The following OR2Z1 variants were observed in gnomAD, a reference collection of about 807,000 sequenced individuals.
The protein encoded by OR2Z1 is olfactory receptor 2Z1.
For missense variants in OR2Z1, 449 were observed against 401.8 expected (o/e 1.12, Z -1.00); for synonymous variants, 188 against 160.6 (o/e 1.17, Z -1.29).
At chr19:8,725,845 A>G (rs1228429278) in intron 2 of OR2Z1, among the ~76,000 whole-genome samples, 1 of 152,236 alleles carries the variant, frequency 6.6e-6, no homozygotes, top group Non-Finnish European at 1.5e-5. Context: ...TAGGCTGTAC[A>G]GGACGTATAA....
At chr19:8,726,044 C>A (rs2145077048) in intron 2 of OR2Z1, among the ~76,000 whole-genome samples, 1 of 152,234 alleles carries the variant, frequency 6.6e-6, no homozygotes, top group Non-Finnish European at 1.5e-5. Flanking sequence ...CGGCTCACTG[C>A]AGCCTCCGCC....
At chr19:8,730,605 A>G (rs2145082024) in intron 2 of OR2Z1, among the ~76,000 whole-genome samples, 1 of 152,162 alleles carries the variant, frequency 6.6e-6, no homozygotes, top group East Asian at 1.9e-4. Context: ...CTTTTAGTAG[A>G]GACGAGGTTT....
chr19:8,731,141 G>C lies in OR2Z1; in HGVS notation c.113G>C (p.Gly38Ala), dbSNP rs1195674227. ...FSLVAVMFVIGLLGNTVLLFL... is the reference protein window; with the variant it reads ...FSLVAVMFVIALLGNTVLLFL... ...CTGGTGGCTGTCATGTTTGTCATAG[G>C]CCTTCTGGGCAACACCGTTCTTCTC... The change falls in exon 3 of 3, where the codon GGC becomes GCC. Residue 38 changes from glycine (G) to alanine (A), a missense_variant. Transcript: ENST00000641125. 1 of 1,613,930 alleles carries C rather than the reference G, an allele frequency of 6.2e-7. No individual in the cohort carries two copies. The highest frequency in any genetic ancestry group is 8.5e-7 in the Non-Finnish European group (1 of 1,180,012).
Position 8,732,149 on chromosome 19 carries a change from C to A in OR2Z1, c.*176C>A. 1.6e-6 allele frequency: 1 copy of A among 607,662 alleles called. No homozygotes were observed. Among genetic ancestry groups the A allele is most frequent in the South Asian group, 2.0e-5 (1 of 50,012 alleles). 37.6% of individuals were successfully genotyped at this position (607,662 alleles called of 1,614,324 possible). ...TTAAATTGAGGTAGAATACACGTAA[C>A]ATAAAATGAGCCACTTTGAAGTGTA... On this transcript the variant is annotated 3_prime_UTR_variant, in exon 3 of 3. Transcript: ENST00000641125.
rs1555756747 is a variant in OR2Z1, at chr19:8,731,421, G to GT, written c.394dup (p.Tyr132LeufsTer49). ...ATGTTGCTGTGTGCCAGCCCCTGCAGTATCCTGTACTTATGAGACGCCAGG... is the reference window on the plus strand; with the variant it reads ...ATGTTGCTGTGTGCCAGCCCCTGCAGTTATCCTGTACTTATGAGACGCCAGG... On this transcript the variant is annotated frameshift_variant, in exon 3 of 3. Coordinates refer to ENST00000641125, the MANE Select transcript of OR2Z1 (RefSeq NM_001004699.3). LOFTEE classifies it low-confidence loss of function (END_TRUNC). 6.8e-6 allele frequency: 11 copies of GT among 1,613,990 alleles called. No individual in the cohort carries two copies. The highest frequency in any genetic ancestry group is 9.3e-6 in the Non-Finnish European group (11 of 1,180,040).
chr19:8,730,938 G>A lies in OR2Z1; in HGVS notation c.-91G>A. On this transcript the variant is annotated 5_prime_UTR_variant, in exon 3 of 3. Coordinates refer to ENST00000641125, the MANE Select transcript of OR2Z1 (RefSeq NM_001004699.3). ...AGCCACTACCAATCAATGATGATTG[G>A]CATGTGAGATGAAAATTATTTGCCA... 2.1e-6 allele frequency: 2 copies of A among 942,252 alleles called. No homozygotes were observed. The highest frequency in any genetic ancestry group is 3.3e-6 in the Non-Finnish European group (2 of 610,864). The allele number at this position is 942,252 out of a possible 1,614,324, so 58.4% of individuals were successfully genotyped here. A position where few individuals can be genotyped will look rare whatever the true frequency, so the allele number is the denominator to read the frequency against.
intron 2 of OR2Z1, chr19:8,729,071 G>T: frequency 8.7e-7 from 1 of 1,153,650 alleles, no homozygotes. Flanking sequence ...GCTGCTGGAA[G>T]GTGGGTGACA....
At chr19:8,729,098 T>TC in intron 2 of OR2Z1, 1 of 1,248,094 alleles carries the variant, frequency 8.0e-7, no homozygotes, top group Non-Finnish European at 1.2e-6. Flanking sequence ...ATCTTTTTTT[T>TC]AGTGGCTGTG....
At chr19:8,727,020 C>T (rs1555756251) in intron 2 of OR2Z1, among the ~76,000 whole-genome samples, 1 of 152,116 alleles carries the variant, frequency 6.6e-6, no homozygotes, top group East Asian at 1.9e-4. Flanking sequence ...GGTGATCATG[C>T]AGCCTCAGCC....
At position 8,730,930 on chromosome 19, in the gene OR2Z1, G is replaced by T; in HGVS notation, c.-99G>T. Reference sequence around the variant, plus strand: ...TCCCAGGAAGCCACTACCAATCAATGATGATTGGCATGTGAGATGAAAATT... The same window carrying T: ...TCCCAGGAAGCCACTACCAATCAATTATGATTGGCATGTGAGATGAAAATT... On this transcript the variant is annotated 5_prime_UTR_variant, in exon 3 of 3. It removes an upstream start codon present in the reference 5' UTR. Coordinates refer to ENST00000641125, the MANE Select transcript of OR2Z1 (RefSeq NM_001004699.3). The T allele has an allele frequency of 1.1e-6, 1 of 878,006 alleles. No individual in the cohort carries two copies. The allele number at this position is 878,006 out of a possible 1,614,324, so 54.4% of individuals were successfully genotyped here.
chr19:8,731,302 A>G lies in OR2Z1; in HGVS notation c.274A>G (p.Thr92Ala). 6.2e-7 allele frequency: 1 copy of G among 1,613,906 alleles called. No individual in the cohort carries two copies. Among genetic ancestry groups the G allele is most frequent in the Non-Finnish European group, 8.5e-7 (1 of 1,179,972 alleles). ...AGACTTTCTGCGGGGAGAAGGTGCC[A>G]CCTCCTATGGAGGTGGTGCAGCTCA... Reference protein sequence around the residue: ...ASDFLRGEGATSYGGGAAQIF... With the variant: ...ASDFLRGEGAASYGGGAAQIF... The change falls in exon 3 of 3, where the codon ACC becomes GCC. Residue 92 changes from threonine (T) to alanine (A), a missense_variant. By Grantham distance (58) the Thr-to-Ala change is moderately conservative. Coordinates refer to ENST00000641125, the MANE Select transcript of OR2Z1 (RefSeq NM_001004699.3).
chr19:8,729,103 G>A, intron 2 of OR2Z1: 1 of 1,244,140 alleles, frequency 8.0e-7, no homozygotes, highest in Non-Finnish European at 1.2e-6. Context: ...TTTTTTAGTG[G>A]CTGTGGACAC....
chr19:8,728,283 C>A (rs1268189285), intron 2 of OR2Z1, among the ~76,000 whole-genome samples: 1 of 152,330 alleles, frequency 6.6e-6, no homozygotes, highest in South Asian at 2.1e-4. Context: ...AAGTGTGCAG[C>A]TCTTCCTGGT....
chr19:8,728,959 T>G, intron 2 of OR2Z1: 1 of 682,798 alleles, frequency 1.5e-6, no homozygotes, highest in East Asian at 3.0e-5. Context: ...GTGGACTCAG[T>G]GGTCAGCGGC....
At chr19:8,725,965 C>CTT (rs35445311) in intron 2 of OR2Z1, among the ~76,000 whole-genome samples, 1 of 151,490 alleles carries the variant, frequency 6.6e-6, no homozygotes, top group African/African-American at 2.4e-5. Flanking sequence ...GTGCTACACA[C>CTT]TTTTTTTTGG....
chr19:8,726,048 C>T (rs1306426278), intron 2 of OR2Z1, among the ~76,000 whole-genome samples: 1 of 152,258 alleles, frequency 6.6e-6, no homozygotes, highest in Middle Eastern at 3.4e-3. Flanking sequence ...TCACTGCAGC[C>T]TCCGCCTCCT....
intron 2 of OR2Z1, among the ~76,000 whole-genome samples, chr19:8,725,434 G>T (rs2043323542): frequency 6.6e-6 from 1 of 152,050 alleles, no homozygotes; most frequent in Admixed American, 6.6e-5. Flanking sequence ...GTAGAGACAG[G>T]GTTTCACCTT....
At chr19:8,725,197 T>A (rs537482385) in intron 2 of OR2Z1, among the ~76,000 whole-genome samples, 1 of 152,172 alleles carries the variant, frequency 6.6e-6, no homozygotes, top group Non-Finnish European at 1.5e-5. Flanking sequence ...AACTCTAAAT[T>A]CTATAACTGC....
rs1176433848 is a variant in OR2Z1, at chr19:8,721,899, A to G, written c.-358A>G. The G allele has an allele frequency of 1.3e-5, 2 of 152,214 alleles. No individual in the cohort carries two copies. The highest frequency in any genetic ancestry group is 4.8e-5 in the African/African-American group (2 of 41,458). The allele number at this position is 152,214 out of a possible 1,614,324, so 9.4% of individuals were successfully genotyped here. On this transcript the variant is annotated 5_prime_UTR_variant, in exon 1 of 3. Coordinates refer to ENST00000641125, the MANE Select transcript of OR2Z1 (RefSeq NM_001004699.3). ...TCCTACAACAGTGATGCTCTGGAGG[A>G]ATTCTCAGCTCAGAATTCCAGGGAA...
Sources: gnomAD v4.1 joint callset for allele counts (sites outside exome capture counted in the v4.1 genomes callset) on GRCh38, gnomAD v4.1.1 for gene constraint, MANE v1.5 for transcripts, NCBI Gene and HGNC (gene_info 2026-07-23, HGNC 2026-07-21) for gene names.